The following CDK6 variants were observed in gnomAD, a reference collection of about 807,000 sequenced individuals.
The protein encoded by CDK6 is cyclin-dependent kinase 6.
A neutral mutation model predicts 37.1 loss-of-function variants in CDK6; 6 were observed. That is an observed-to-expected ratio of 0.16 (90% confidence interval 0.09 to 0.32). CDK6 has a LOEUF of 0.32. Ranked by LOEUF, CDK6 falls within the 10% of genes least tolerant of loss-of-function variation. The pLI, the probability that CDK6 is intolerant of heterozygous loss-of-function variation, is 1.00. For synonymous variants in CDK6, 160 were observed against 161.3 expected, an observed-to-expected ratio of 0.99 and a Z score of 0.06; for missense variants, 224 against 418.9, an observed-to-expected ratio of 0.53 and a Z score of 4.06.
Position 92,833,497 on chromosome 7 carries a change from A to G in CDK6, c.-174T>C. 2 of 567,288 alleles carry G rather than the reference A, an allele frequency of 3.5e-6. No homozygotes were observed. Among genetic ancestry groups the G allele is most frequent in the Non-Finnish European group, 6.1e-6 (2 of 327,286 alleles). The allele number at this position is 567,288 out of a possible 1,614,324, so 35.1% of individuals were successfully genotyped here. A position where few individuals can be genotyped will look rare whatever the true frequency, so the allele number is the denominator to read the frequency against. ...GGGCTTTCGCCGCTGCAGAAGCTGG[A>G]TGGAGAGACCTCCCCGCGGGGCTGG... On this transcript the variant is annotated 5_prime_UTR_variant, in exon 2 of 8. Transcript: ENST00000424848. This position sits in a 1 kb window ranked among gnomAD's most constrained non-coding sequence, Gnocchi z 6.1.
chr7:92,694,754 T>A (rs1797670669), intron 4 of CDK6, among the ~76,000 whole-genome samples: 1 of 152,128 alleles, frequency 6.6e-6, no homozygotes, highest in South Asian at 2.1e-4. Context: ...TAGGTAAGCA[T>A]CCAAATTTAT....
At chr7:92,784,080 G>GA (rs947956960) in intron 2 of CDK6, among the ~76,000 whole-genome samples, 88 of 146,618 alleles carry the variant, frequency 6.0e-4, no homozygotes, top group African/African-American at 1.5e-3. Context: ...GCTATTATGG[G>GA]AAAAAAAAAA....
chr7:92,835,475 CT>C lies in CDK6; in HGVS notation c.-368+1002del, dbSNP rs918041072. On this transcript the variant is annotated intron_variant, in intron 1 of 7. Coordinates refer to ENST00000424848, the MANE Select transcript of CDK6 (RefSeq NM_001145306.2). The surrounding 1 kb of genome is among the most constrained non-coding windows in gnomAD (Gnocchi z 4.2). ...ATGCCTTTTCCCCCCCTCTCCTCCACTTTTTTTTGTTGTTGTTGTTGCTTTC... is the reference window on the plus strand; with the variant it reads ...ATGCCTTTTCCCCCCCTCTCCTCCACTTTTTTTGTTGTTGTTGTTGCTTTC... Among the ~76,000 whole-genome samples, 363 of 152,140 alleles carry C rather than the reference CT, an allele frequency of 2.4e-3. 1 individual carries two copies. Among genetic ancestry groups the C allele is most frequent in the African/African-American group, 8.5e-3 (352 of 41,496 alleles).
At chr7:92,773,994 G>T (rs1333560104) in intron 3 of CDK6, among the ~76,000 whole-genome samples, 1 of 152,102 alleles carries the variant, frequency 6.6e-6, no homozygotes, top group African/African-American at 2.4e-5. Flanking sequence ...AGATCTACGG[G>T]GAAGTTCAGT....
At chr7:92,734,927 C>T (rs1224672501) in intron 3 of CDK6, among the ~76,000 whole-genome samples, 1 of 152,194 alleles carries the variant, frequency 6.6e-6, no homozygotes, top group Non-Finnish European at 1.5e-5. Context: ...CTTTCAGAAG[C>T]AACTTGCCCA....
intron 5 of CDK6, among the ~76,000 whole-genome samples, chr7:92,632,675 T>C (rs1012380035): frequency 5.9e-5 from 9 of 152,184 alleles, no homozygotes; most frequent in Non-Finnish European, 1.3e-4. Flanking sequence ...GAATGATTCA[T>C]CATGGGTACT....
At position 92,611,664 on chromosome 7, in the gene CDK6, AGATG is replaced by A. The variant is rs1795564812; in HGVS notation, c.*3472_*3475del. The A allele has an allele frequency of 4.4e-6, 1 of 229,170 alleles. No individual in the cohort carries two copies. Among genetic ancestry groups the A allele is most frequent in the Non-Finnish European group, 8.7e-6 (1 of 115,590 alleles). The allele number at this position is 229,170 out of a possible 1,614,324, so 14.2% of individuals were successfully genotyped here. A position where few individuals can be genotyped will look rare whatever the true frequency, so the allele number is the denominator to read the frequency against. On this transcript the variant is annotated 3_prime_UTR_variant, in exon 8 of 8. Transcript: ENST00000424848. ...GTACTATTTAAGAGTTTTCTCATCA[AGATG>A]GATAGTACATTCTGGAGAGTCAAAC...
chr7:92,786,931 C>G (rs866131492), intron 2 of CDK6, among the ~76,000 whole-genome samples: 13 of 151,980 alleles, frequency 8.6e-5, no homozygotes, highest in Middle Eastern at 3.4e-3. Flanking sequence ...CCCCTGTAAT[C>G]CCAGCACTCT....
chr7:92,775,811 AT>A (rs1799835114), intron 2 of CDK6, among the ~76,000 whole-genome samples: 1 of 152,252 alleles, frequency 6.6e-6, no homozygotes, highest in South Asian at 2.1e-4. Flanking sequence ...TTTAAAAAAA[AT>A]TGAATAAATG....
intron 3 of CDK6, among the ~76,000 whole-genome samples, chr7:92,729,990 C>T (rs1006026058): frequency 5.9e-5 from 9 of 152,198 alleles, no homozygotes; most frequent in South Asian, 2.1e-4. Flanking sequence ...TGAATCCTTC[C>T]GCCTTGGCCT....
chr7:92,643,051 C>A (rs564087999), intron 5 of CDK6, among the ~76,000 whole-genome samples: 23 of 152,236 alleles, frequency 1.5e-4, no homozygotes, highest in Non-Finnish European at 3.2e-4. Context: ...TGTACCACCA[C>A]ACCTGACTAA....
At chr7:92,763,033 T>C (rs1799496479) in intron 3 of CDK6, among the ~76,000 whole-genome samples, 1 of 152,250 alleles carries the variant, frequency 6.6e-6, no homozygotes, top group Non-Finnish European at 1.5e-5. Context: ...AAAAGTGGTA[T>C]GACTATACTA....
intron 5 of CDK6, among the ~76,000 whole-genome samples, chr7:92,640,408 T>C (rs768846702): frequency 6.6e-5 from 10 of 152,190 alleles, no homozygotes; most frequent in Non-Finnish European, 1.0e-4. Context: ...TTTCAATAGA[T>C]ACAAAAGAAG....
chr7:92,642,775 A>C (rs1470488540), intron 5 of CDK6, among the ~76,000 whole-genome samples: 2 of 152,182 alleles, frequency 1.3e-5, no homozygotes, highest in Non-Finnish European at 2.9e-5. Flanking sequence ...CATTGAGCTA[A>C]GAAGTGATAG....
intron 3 of CDK6, among the ~76,000 whole-genome samples, chr7:92,756,495 A>AT (rs1029509001): frequency 4.8e-4 from 73 of 152,306 alleles, no homozygotes; most frequent in African/African-American, 1.7e-3. Context: ...AGTTTCTGGG[A>AT]AAATAAGGAA....
intron 3 of CDK6, among the ~76,000 whole-genome samples, chr7:92,774,034 T>C (rs926548328): frequency 7.2e-5 from 11 of 152,202 alleles, no homozygotes; most frequent in African/African-American, 2.7e-4. Flanking sequence ...AACAAAACTT[T>C]ATCAGCAGCA....
intron 5 of CDK6, among the ~76,000 whole-genome samples, chr7:92,635,559 G>A (rs919704045): frequency 1.3e-5 from 2 of 152,132 alleles, no homozygotes; most frequent in African/African-American, 4.8e-5. Flanking sequence ...AAATTAACCT[G>A]CTCAGTAAAA....
At chr7:92,711,943 C>T (rs1798104134) in intron 4 of CDK6, among the ~76,000 whole-genome samples, 1 of 151,794 alleles carries the variant, frequency 6.6e-6, no homozygotes, top group African/African-American at 2.4e-5. Context: ...AACCGTGACA[C>T]TTTGGGAGGC....
chr7:92,758,342 T>G (rs914192923), intron 3 of CDK6, among the ~76,000 whole-genome samples: 1 of 152,244 alleles, frequency 6.6e-6, no homozygotes, highest in Non-Finnish European at 1.5e-5. Context: ...GTTTCAATCT[T>G]CTGCATATGG....
Sources: allele counts gnomAD v4.1 joint callset (sites outside exome capture counted in the v4.1 genomes callset), GRCh38; gene constraint gnomAD v4.1.1; non-coding constraint Gnocchi (gnomAD v3.1); transcripts MANE v1.5; gene names NCBI Gene and HGNC (gene_info 2026-07-23, HGNC 2026-07-21).